Variants in WDPCP observed in about 807,000 individuals in gnomAD.
WDPCP encodes the protein WD repeat containing planar cell polarity effector.
A neutral mutation model predicts 93.1 loss-of-function variants in WDPCP; 71 were observed. That is an observed-to-expected ratio of 0.76 (90% CI 0.63 to 0.93). WDPCP has a LOEUF of 0.93. WDPCP is among the 40% of genes least tolerant of loss of function. WDPCP has a pLI of 0.00. For missense variants in WDPCP, 844 were observed against 887.4 expected (o/e 0.95, Z 0.62); for synonymous variants, 315 against 315.0 (o/e 1.00, Z 0.00).
At chr2:63,780,650 T>A (rs1670372332) in intron 2 of WDPCP, among the ~76,000 whole-genome samples, 1 of 152,324 alleles carries the variant, frequency 6.6e-6, no homozygotes, top group Admixed American at 6.5e-5. Flanking sequence ...ATCACAGTGT[T>A]TTAATCAGCC....
chr2:63,461,437 C>T (rs780655514), intron 6 of WDPCP, among the ~76,000 whole-genome samples: 3 of 152,178 alleles, frequency 2.0e-5, no homozygotes, highest in Admixed American at 6.5e-5. Flanking sequence ...TGATTGAAAG[C>T]TCCCTGAGGC....
chr2:63,814,535 T>C (rs6737855), intron 1 of WDPCP, among the ~76,000 whole-genome samples: 33,308 of 152,108 alleles, frequency 0.22, 4,938 homozygotes, highest in East Asian at 0.76. Context: ...CACCTAACTC[T>C]TGTTGTTAGA....
intron 15 of WDPCP, among the ~76,000 whole-genome samples, chr2:63,161,621 A>G (rs1422580405): frequency 6.6e-6 from 1 of 152,196 alleles, no homozygotes; most frequent in Non-Finnish European, 1.5e-5. Flanking sequence ...AAAGTGAATC[A>G]ATTTAAACTG....
At chr2:63,700,741 A>G (rs1030279793) in intron 2 of WDPCP, among the ~76,000 whole-genome samples, 1 of 152,180 alleles carries the variant, frequency 6.6e-6, no homozygotes, top group African/African-American at 2.4e-5. Flanking sequence ...ACTCATTTCA[A>G]CGCAGACACC....
intron 14 of WDPCP, among the ~76,000 whole-genome samples, chr2:63,198,342 G>T (rs985487431): frequency 1.3e-5 from 2 of 152,002 alleles, no homozygotes; most frequent in Non-Finnish European, 1.5e-5. Flanking sequence ...TGTCTATGGG[G>T]CTAGGTTCTT....
rs561936436 is a variant in WDPCP, at chr2:63,243,377, A to T, written c.1915+15930T>A. Among the ~76,000 whole-genome samples the T allele has an allele frequency of 2.4e-4, 36 of 151,500 alleles. 1 individual carries two copies. The South Asian group carries it at 7.3e-3, about 31-fold the overall frequency. On this transcript the variant is annotated intron_variant, in intron 14 of 17. Transcript: ENST00000272321. ...TCCTTTGCCCACTTTTAATTGGGTT[A>T]TTTTTTTCTTGTGATTTATTTAATT...
At chr2:63,662,064 A>G (rs1710233207) in intron 2 of WDPCP, among the ~76,000 whole-genome samples, 1 of 152,222 alleles carries the variant, frequency 6.6e-6, no homozygotes, top group Non-Finnish European at 1.5e-5. Context: ...CATGGTGGTC[A>G]CATAATCTAA....
At chr2:63,806,318 A>G (rs1670762312) in intron 2 of WDPCP, among the ~76,000 whole-genome samples, 1 of 152,152 alleles carries the variant, frequency 6.6e-6, no homozygotes. Context: ...ACAAGCCACA[A>G]AAACCAGCAA....
intron 2 of WDPCP, among the ~76,000 whole-genome samples, chr2:63,755,118 A>G (rs1575765231): frequency 6.6e-6 from 1 of 152,348 alleles, no homozygotes; most frequent in East Asian, 1.9e-4. Flanking sequence ...AAGTAATCTA[A>G]GAGAACAAGA....
At chr2:63,716,923 C>T (rs771683994) in intron 2 of WDPCP, among the ~76,000 whole-genome samples, 7 of 152,236 alleles carry the variant, frequency 4.6e-5, no homozygotes, top group Non-Finnish European at 7.3e-5. Flanking sequence ...TACTTTATTA[C>T]GAATTCAGTG....
intron 13 of WDPCP, among the ~76,000 whole-genome samples, chr2:63,276,347 G>C (rs1362728837): frequency 6.6e-6 from 1 of 152,138 alleles, no homozygotes; most frequent in Admixed American, 6.5e-5. Context: ...GAACATACCA[G>C]CTCACCAGTA....
intron 2 of WDPCP, among the ~76,000 whole-genome samples, chr2:63,681,800 G>A (rs1381289973): frequency 6.6e-6 from 1 of 152,208 alleles, no homozygotes; most frequent in Non-Finnish European, 1.5e-5. Context: ...AGTGGTGCTT[G>A]TATCACTGCA....
At chr2:63,800,283 T>C (rs898603381) in intron 2 of WDPCP, among the ~76,000 whole-genome samples, 18 of 152,188 alleles carry the variant, frequency 1.2e-4, no homozygotes, top group African/African-American at 4.3e-4. Context: ...TGATAAAATG[T>C]TACTTTGTAT....
chr2:63,326,651 G>A (rs1176675082), intron 12 of WDPCP, among the ~76,000 whole-genome samples: 2 of 144,748 alleles, frequency 1.4e-5, no homozygotes, highest in Non-Finnish European at 3.0e-5. Context: ...AGAGGGAGAG[G>A]AAGTGACAGA....
chr2:63,566,079 G>A (rs115361296), intron 1 of WDPCP, among the ~76,000 whole-genome samples: 2,353 of 152,122 alleles, frequency 0.015, 67 homozygotes, highest in African/African-American at 0.054. Context: ...CAAATTCTCC[G>A]AGAATTCCCA....
chr2:63,207,602 A>G (rs964850618), intron 14 of WDPCP, among the ~76,000 whole-genome samples: 2 of 152,178 alleles, frequency 1.3e-5, no homozygotes, highest in Admixed American at 6.5e-5. Flanking sequence ...TCTGGCATAA[A>G]GTGTTGCTGA....
intron 2 of WDPCP, among the ~76,000 whole-genome samples, chr2:63,703,988 T>G (rs1669105792): frequency 6.6e-6 from 1 of 152,192 alleles, no homozygotes; most frequent in South Asian, 2.1e-4. Flanking sequence ...AGCAGTGGTT[T>G]GTAGTGCTCC....
At chr2:63,620,026 A>G (rs949436980) in intron 3 of WDPCP, among the ~76,000 whole-genome samples, 1 of 152,186 alleles carries the variant, frequency 6.6e-6, no homozygotes, top group Admixed American at 6.5e-5. Flanking sequence ...TTTGCAACCC[A>G]TAGACCAGGG....
intron 17 of WDPCP, among the ~76,000 whole-genome samples, chr2:63,134,495 C>T (rs1486360610): frequency 9.9e-5 from 15 of 152,176 alleles, no homozygotes; most frequent in Non-Finnish European, 1.9e-4. Context: ...CAGACATACA[C>T]ATACATGTAC....
Sources: gnomAD v4.1 joint callset for allele counts (sites outside exome capture counted in the v4.1 genomes callset) on GRCh38, gnomAD v4.1.1 for gene constraint, MANE v1.5 for transcripts, NCBI Gene and HGNC (gene_info 2026-07-23, HGNC 2026-07-21) for gene names.